GPC5: variants seen among roughly 807,000 people sequenced by gnomAD.
GPC5 encodes glypican-5.
In GPC5, 47 loss-of-function variants were observed where a neutral mutation model predicts 53.9. The observed-to-expected ratio is 0.87, with a 90% CI of 0.69 to 1.11. The LOEUF (loss-of-function observed/expected upper bound fraction) is 1.11, where lower values mean the gene tolerates loss of function less well. Among genes scored for constraint, GPC5 ranks in the 50% most tolerant of loss-of-function variants. The pLI is 0.00. For missense variants in GPC5, 748 were observed against 713.1 expected, an observed-to-expected ratio of 1.05 and a Z score of -0.56; for synonymous variants, 286 against 263.3, an observed-to-expected ratio of 1.09 and a Z score of -0.84.
chr13:92,276,026 T>C (rs1043628775), intron 7 of GPC5, among the ~76,000 whole-genome samples: 2 of 152,140 alleles, frequency 1.3e-5, no homozygotes, highest in African/African-American at 4.8e-5. Flanking sequence ...GCATAGCTTT[T>C]ATCAGTTCAT....
At chr13:92,174,586 A>G (rs1392980314) in intron 7 of GPC5, among the ~76,000 whole-genome samples, 2 of 152,164 alleles carry the variant, frequency 1.3e-5, no homozygotes, top group Non-Finnish European at 2.9e-5. Flanking sequence ...AACAAAATTT[A>G]AATAACTCAT....
At chr13:92,528,724 A>C (rs919642292) in intron 7 of GPC5, among the ~76,000 whole-genome samples, 1 of 152,076 alleles carries the variant, frequency 6.6e-6, no homozygotes, top group African/African-American at 2.4e-5. Context: ...TAAATGTTCA[A>C]GTGTTAAGTG....
In GPC5 at chr13:92,735,289, C is replaced by T. The variant is rs1384923320; in HGVS notation, c.1562-130993C>T. Among the ~76,000 whole-genome samples, 3 of 151,958 alleles carry T rather than the reference C, an allele frequency of 2.0e-5. No homozygotes were observed. In the South Asian group the frequency reaches 6.2e-4, roughly 32 times the overall value. ...TTCATCACAACATCATCTCCATTTC[C>T]TTCACCAAATAATGCATAACTGACT... On this transcript the variant is annotated intron_variant, in intron 7 of 7. Coordinates refer to ENST00000377067, the MANE Select transcript of GPC5 (RefSeq NM_004466.6).
chr13:91,674,886 A>G (rs1212494044), intron 2 of GPC5, among the ~76,000 whole-genome samples: 6 of 151,968 alleles, frequency 3.9e-5, no homozygotes, highest in South Asian at 2.1e-4. Flanking sequence ...CTCTACTGAT[A>G]CTGTTTTCAA....
chr13:92,665,790 C>CA (rs1284048969), intron 7 of GPC5, among the ~76,000 whole-genome samples: 1 of 152,092 alleles, frequency 6.6e-6, no homozygotes. Flanking sequence ...AGGCTTATAC[C>CA]AAATGCCTTA....
At chr13:92,838,330 A>G (rs955996295) in intron 7 of GPC5, among the ~76,000 whole-genome samples, 4 of 151,620 alleles carry the variant, frequency 2.6e-5, no homozygotes, top group African/African-American at 9.7e-5. Context: ...TAAAAATACA[A>G]AAAATTAGCT....
intron 7 of GPC5, among the ~76,000 whole-genome samples, chr13:92,166,947 C>CTCTCTCTCTA (rs1555315977): frequency 2.0e-3 from 120 of 59,992 alleles, no homozygotes; most frequent in African/African-American, 5.7e-3. Flanking sequence ...CTCTCTCTCT[C>CTCTCTCTCTA]TCTCTCTCTC....
intron 6 of GPC5, among the ~76,000 whole-genome samples, chr13:92,039,890 T>C (rs1257681003): frequency 6.6e-6 from 1 of 152,218 alleles, no homozygotes; most frequent in Non-Finnish European, 1.5e-5. Context: ...TCAAATACAG[T>C]CACATTTTGA....
At chr13:91,936,803 C>G (rs1257270669) in intron 6 of GPC5, among the ~76,000 whole-genome samples, 3 of 151,978 alleles carry the variant, frequency 2.0e-5, no homozygotes, top group Non-Finnish European at 2.9e-5. Flanking sequence ...GCATCCTTTC[C>G]TGATGGGGCC....
At position 92,049,954 on chromosome 13, in the gene GPC5, A is replaced by C. The variant is rs528885452; in HGVS notation, c.1402-94876A>C. 8.4e-4 allele frequency among the ~76,000 whole-genome samples: 128 copies of C among 152,248 alleles called. 1 individual carries two copies. In the Middle Eastern group the frequency reaches 0.034, roughly 40 times the overall value. On this transcript the variant is annotated intron_variant, in intron 6 of 7. Transcript: ENST00000377067. Reference sequence around the variant, plus strand: ...ATACAAATTGTCTAGGATAAGCTCTAAGTGGAAAGGAGAAAAAGCTGGCTC... The same window carrying C: ...ATACAAATTGTCTAGGATAAGCTCTCAGTGGAAAGGAGAAAAAGCTGGCTC...
At chr13:92,495,131 C>T (rs184824789) in intron 7 of GPC5, among the ~76,000 whole-genome samples, 1 of 152,292 alleles carries the variant, frequency 6.6e-6, no homozygotes, top group East Asian at 1.9e-4. Context: ...AAGGTAACTT[C>T]CTCTCAGCAC....
At chr13:92,530,280 T>C (rs1040739585) in intron 7 of GPC5, among the ~76,000 whole-genome samples, 1 of 152,046 alleles carries the variant, frequency 6.6e-6, no homozygotes, top group Non-Finnish European at 1.5e-5. Context: ...TCATCACGCA[T>C]TAGTTCAATT....
chr13:92,259,438 T>C (rs1249667802), intron 7 of GPC5, among the ~76,000 whole-genome samples: 1 of 152,214 alleles, frequency 6.6e-6, no homozygotes, highest in Non-Finnish European at 1.5e-5. Context: ...ATGCCTCCCC[T>C]ACTCCTGATT....
chr13:91,568,574 G>T (rs891150321), intron 2 of GPC5, among the ~76,000 whole-genome samples: 65 of 149,350 alleles, frequency 4.4e-4, no homozygotes, highest in African/African-American at 1.6e-3. Flanking sequence ...AAAAAAAAAG[G>T]CATGAAAGTT....
Position 92,769,947 on chromosome 13 carries a change from C to T in GPC5, c.1562-96335C>T, listed in dbSNP as rs191420831. ...CTTAAACTCCTTTGTGCTTTCACATCCTAGCCCAAGACCTTGTACATATAA... is the reference window on the plus strand; with the variant it reads ...CTTAAACTCCTTTGTGCTTTCACATTCTAGCCCAAGACCTTGTACATATAA... On this transcript the variant is annotated intron_variant, in intron 7 of 7. Coordinates refer to ENST00000377067, the MANE Select transcript of GPC5 (RefSeq NM_004466.6). Among the ~76,000 whole-genome samples the T allele has an allele frequency of 2.8e-4, 43 of 152,326 alleles. 1 individual carries two copies. The East Asian group carries it at 5.4e-3, about 19-fold the overall frequency.
intron 2 of GPC5, among the ~76,000 whole-genome samples, chr13:91,674,513 A>ACG (rs1347031615): frequency 2.8e-5 from 4 of 143,934 alleles, no homozygotes; most frequent in Admixed American, 6.8e-5. Context: ...GTGTATATAT[A>ACG]CACATATATG....
chr13:92,367,999 C>T (rs930333251), intron 7 of GPC5, among the ~76,000 whole-genome samples: 11 of 151,968 alleles, frequency 7.2e-5, no homozygotes, highest in African/African-American at 2.2e-4. Flanking sequence ...CGGGGGCAGG[C>T]GGTGAGGCAG....
At chr13:92,078,062 CAT>C (rs1284917145) in intron 6 of GPC5, among the ~76,000 whole-genome samples, 1 of 152,022 alleles carries the variant, frequency 6.6e-6, no homozygotes, top group East Asian at 1.9e-4. Context: ...TACACATACA[CAT>C]GTGTATACAT....
At chr13:92,263,674 T>G (rs958177670) in intron 7 of GPC5, among the ~76,000 whole-genome samples, 1 of 152,158 alleles carries the variant, frequency 6.6e-6, no homozygotes, top group African/African-American at 2.4e-5. Context: ...TTATTCCCAT[T>G]TATAAATGGG....
Sources: allele counts gnomAD v4.1 joint callset (sites outside exome capture counted in the v4.1 genomes callset), GRCh38; gene constraint gnomAD v4.1.1; transcripts MANE v1.5; gene names NCBI Gene and HGNC (gene_info 2026-07-23, HGNC 2026-07-21).